The following ZNF423 variants were observed in gnomAD, a reference collection of about 807,000 sequenced individuals.
The protein encoded by ZNF423 is zinc finger protein 423.
ZNF423 carries 12 observed loss-of-function variants against 95.8 expected under a neutral mutation model. That is an observed-to-expected ratio of 0.13 (90% CI 0.08 to 0.20). The LOEUF is 0.20. Ranked by LOEUF, ZNF423 falls within the 10% of genes least tolerant of loss-of-function variation. The pLI is 1.00. For synonymous variants in ZNF423, 749 were observed against 711.9 expected, an observed-to-expected ratio of 1.05 and a Z score of -0.83; for missense variants, 1,316 against 1,737.1, an observed-to-expected ratio of 0.76 and a Z score of 4.31.
intron 5 of ZNF423, among the ~76,000 whole-genome samples, chr16:49,553,462 T>G (rs530306797): frequency 1.3e-5 from 2 of 151,986 alleles, no homozygotes; most frequent in East Asian, 3.9e-4. Flanking sequence ...TCTTCCTGCC[T>G]CAGCCTCCCA....
At chr16:49,678,518 G>C (rs1300975359) in intron 3 of ZNF423, among the ~76,000 whole-genome samples, 3 of 152,170 alleles carry the variant, frequency 2.0e-5, no homozygotes, top group Admixed American at 1.3e-4. Context: ...ACAAGTGACT[G>C]GGCAAGATGT....
chr16:49,811,207 G>A (rs564965459), intron 1 of ZNF423, among the ~76,000 whole-genome samples: 17 of 152,278 alleles, frequency 1.1e-4, no homozygotes, highest in African/African-American at 3.6e-4. Flanking sequence ...CAGATGGGAC[G>A]CTATCAGCAG....
chr16:49,513,218 G>A (rs1003719136), intron 7 of ZNF423, among the ~76,000 whole-genome samples: 1 of 152,192 alleles, frequency 6.6e-6, no homozygotes, highest in African/African-American at 2.4e-5. Context: ...GTGAGCAACA[G>A]GTTCTCACTC....
At chr16:49,770,574 C>A (rs1466845917) in intron 2 of ZNF423, among the ~76,000 whole-genome samples, 2 of 151,474 alleles carry the variant, frequency 1.3e-5, no homozygotes, top group Admixed American at 6.6e-5. Context: ...AAAGGACAGG[C>A]CCCCCCAGAA....
intron 3 of ZNF423, among the ~76,000 whole-genome samples, chr16:49,646,568 C>CTTTTTTTTTTTTTTTT (rs1194511671): frequency 2.5e-5 from 3 of 120,716 alleles, no homozygotes; most frequent in Non-Finnish European, 5.4e-5. Flanking sequence ...ATTTTCTTTT[C>CTTTTTTTTTTTTTTTT]TTTTTCTTTT....
At chr16:49,731,572 A>G (rs1482892647) in intron 2 of ZNF423, among the ~76,000 whole-genome samples, 1 of 152,110 alleles carries the variant, frequency 6.6e-6, no homozygotes, top group Non-Finnish European at 1.5e-5. Context: ...TAGCACTCTG[A>G]GAGACCAAGG....
intron 1 of ZNF423, among the ~76,000 whole-genome samples, chr16:49,793,461 G>A (rs2034448675): frequency 6.6e-6 from 1 of 152,238 alleles, no homozygotes; most frequent in Non-Finnish European, 1.5e-5. Context: ...CCGGCCCGCG[G>A]CGCCTCCTCC....
chr16:49,644,750 C>T (rs1973115568), intron 3 of ZNF423, among the ~76,000 whole-genome samples: 1 of 149,350 alleles, frequency 6.7e-6, no homozygotes, highest in Admixed American at 6.7e-5. Flanking sequence ...AATAAGGTTT[C>T]CATCCCAGTC....
intron 2 of ZNF423, among the ~76,000 whole-genome samples, chr16:49,757,341 G>A (rs1313546950): frequency 6.6e-6 from 1 of 152,106 alleles, no homozygotes; most frequent in Non-Finnish European, 1.5e-5. Context: ...TCTAACAAAG[G>A]GAGCCTTCAG....
chr16:49,813,630 G>A (rs758299129), intron 1 of ZNF423, among the ~76,000 whole-genome samples: 1 of 152,158 alleles, frequency 6.6e-6, no homozygotes, highest in Non-Finnish European at 1.5e-5. Flanking sequence ...TCTCGCTCCC[G>A]CATCTCCAGA....
chr16:49,560,680 A>G (rs1200713151), intron 5 of ZNF423, among the ~76,000 whole-genome samples: 1 of 152,052 alleles, frequency 6.6e-6, no homozygotes, highest in Non-Finnish European at 1.5e-5. Flanking sequence ...GTGGAACGGA[A>G]CTCTTTTCAT....
chr16:49,572,389 T>C (rs1362871146), intron 5 of ZNF423, among the ~76,000 whole-genome samples: 1 of 152,000 alleles, frequency 6.6e-6, no homozygotes. Flanking sequence ...GAAGGTGTTT[T>C]CCGCAGGAGA....
chr16:49,755,966 T>C (rs1189594342), intron 2 of ZNF423, among the ~76,000 whole-genome samples: 1 of 152,140 alleles, frequency 6.6e-6, no homozygotes, highest in Non-Finnish European at 1.5e-5. Context: ...GAAATCTTCC[T>C]ACTGGAAAGG....
intron 2 of ZNF423, among the ~76,000 whole-genome samples, chr16:49,741,197 CTTT>C (rs34805157): frequency 1.3e-5 from 2 of 148,398 alleles, no homozygotes; most frequent in Non-Finnish European, 3.0e-5. Context: ...ACACCTGCTG[CTTT>C]TTTTTTTTTA....
At chr16:49,540,208 T>C (rs1969201075) in intron 5 of ZNF423, among the ~76,000 whole-genome samples, 2 of 152,232 alleles carry the variant, frequency 1.3e-5, no homozygotes. Flanking sequence ...AGGTCCTGCA[T>C]ACTAAGGAAT....
At chr16:49,831,719 G>A (rs547790074) in intron 1 of ZNF423, among the ~76,000 whole-genome samples, 2 of 152,136 alleles carry the variant, frequency 1.3e-5, no homozygotes, top group African/African-American at 4.8e-5. Context: ...GTCTGAGCAC[G>A]GTGGCTCACG....
intron 2 of ZNF423, among the ~76,000 whole-genome samples, chr16:49,742,963 T>TG (rs2033445618): frequency 6.6e-6 from 1 of 152,094 alleles, no homozygotes; most frequent in East Asian, 1.9e-4. Flanking sequence ...ATCATCGCTG[T>TG]GCATTCCGGG....
upstream of ZNF423, among the ~76,000 whole-genome samples, chr16:49,858,315 C>T (rs1259101426): frequency 1.3e-5 from 2 of 151,226 alleles, no homozygotes; most frequent in Non-Finnish European, 3.0e-5. The surrounding 1 kb of genome is among the most constrained non-coding windows in gnomAD (Gnocchi z 4.3). Context: ...CCCGGCCCCG[C>T]TCAGCTCTCT....
intron 5 of ZNF423, among the ~76,000 whole-genome samples, chr16:49,553,323 T>A (rs1969706933): frequency 6.6e-6 from 1 of 151,876 alleles, no homozygotes; most frequent in African/African-American, 2.4e-5. Context: ...TTATAATTTA[T>A]ATATATATAT....
Sources: allele counts gnomAD v4.1 joint callset (sites outside exome capture counted in the v4.1 genomes callset), GRCh38; gene constraint gnomAD v4.1.1; non-coding constraint Gnocchi (gnomAD v3.1); transcripts MANE v1.5; gene names NCBI Gene and HGNC (gene_info 2026-07-23, HGNC 2026-07-21).